Variants in GABRA3 observed in about 807,000 individuals in gnomAD.
GABRA3 encodes gamma-aminobutyric acid type A receptor subunit alpha3.
In GABRA3, 10 loss-of-function variants were observed where a neutral mutation model predicts 30.1. The ratio of observed to expected loss-of-function variants is 0.33; its 90% CI spans 0.20 to 0.56. The LOEUF is 0.56. Ranked by LOEUF, GABRA3 falls within the 20% of genes least tolerant of loss-of-function variation. The probability of loss-of-function intolerance (pLI) is 0.89; values close to 1 mark genes in which losing one functional copy is unlikely to be tolerated. For missense variants in GABRA3, 233 were observed against 392.0 expected (o/e 0.59, Z 3.42); for synonymous variants, 151 against 146.8 (o/e 1.03, Z -0.21).
At chrX:152,332,652 T>C (rs892374358) in intron 3 of GABRA3, among the ~76,000 whole-genome samples, 7 of 112,062 alleles carry the variant, frequency 6.2e-5, no homozygotes, top group African/African-American at 2.3e-4. Context: ...ATTAGACAGC[T>C]GGAACAACCG....
chrX:152,182,663 G>C (rs866308058), intron 9 of GABRA3, among the ~76,000 whole-genome samples: 17 of 75,097 alleles, frequency 2.3e-4, no homozygotes, highest in African/African-American at 8.9e-4. Flanking sequence ...CATATATAGT[G>C]TATATATACA....
At chrX:152,326,048 G>C (rs1000843282) in intron 3 of GABRA3, among the ~76,000 whole-genome samples, 28 of 111,352 alleles carry the variant, frequency 2.5e-4, no homozygotes, top group African/African-American at 8.2e-4. Flanking sequence ...CTAGGACTAC[G>C]TGACACATGC....
intron 3 of GABRA3, among the ~76,000 whole-genome samples, chrX:152,337,281 T>C (rs1316841153): frequency 2.7e-5 from 3 of 111,437 alleles, no homozygotes; most frequent in South Asian, 3.8e-4. Flanking sequence ...AGTCACCCTA[T>C]TGATTGTACT....
chrX:152,255,448 T>G (rs1423707546), intron 5 of GABRA3, among the ~76,000 whole-genome samples: 2 of 111,829 alleles, frequency 1.8e-5, no homozygotes, highest in African/African-American at 6.5e-5. Context: ...TATGTTTTTG[T>G]GAATCTGTGT....
chrX:152,286,663 G>A (rs193178095), intron 3 of GABRA3, among the ~76,000 whole-genome samples: 3 of 111,471 alleles, frequency 2.7e-5, no homozygotes, highest in African/African-American at 9.8e-5. Flanking sequence ...TCACTTTCCA[G>A]AACCATTCCT....
intron 4 of GABRA3, among the ~76,000 whole-genome samples, chrX:152,274,180 T>C (rs1938999257): frequency 9.0e-6 from 1 of 111,636 alleles, no homozygotes; most frequent in Non-Finnish European, 1.9e-5. Flanking sequence ...CAATAACAGG[T>C]ACTCAAAATA....
chrX:152,291,933 G>A (rs190691667), intron 3 of GABRA3, among the ~76,000 whole-genome samples: 206 of 111,789 alleles, frequency 1.8e-3, no homozygotes, highest in African/African-American at 6.2e-3. Context: ...TTTTATTGAG[G>A]ATTTTTGCAT....
At chrX:152,316,605 G>A (rs768327741) in intron 3 of GABRA3, among the ~76,000 whole-genome samples, 2 of 111,633 alleles carry the variant, frequency 1.8e-5, no homozygotes, top group Non-Finnish European at 3.8e-5. Context: ...AGAGCTGTGA[G>A]GCAAAAGCAC....
chrX:152,199,202 T>C (rs1937437074), intron 7 of GABRA3, among the ~76,000 whole-genome samples: 1 of 107,573 alleles, frequency 9.3e-6, no homozygotes, highest in Non-Finnish European at 1.9e-5. Context: ...CCATCTCTAC[T>C]AAAAATACAA....
In GABRA3 at chrX:152,231,589, T is replaced by A. The variant is rs190639480; in HGVS notation, c.552-6744A>T. On this transcript the variant is annotated intron_variant, in intron 5 of 9. Coordinates refer to ENST00000370314, the MANE Select transcript of GABRA3 (RefSeq NM_000808.4). Reference sequence around the variant, plus strand: ...GGAAATCACACTTTGGACAATATTTTGGCAGTTTCTTAAAAAGTTTAACAT... The same window carrying A: ...GGAAATCACACTTTGGACAATATTTAGGCAGTTTCTTAAAAAGTTTAACAT... Among the ~76,000 whole-genome samples the A allele has an allele frequency of 1.1e-4, 12 of 111,394 alleles. No homozygotes were observed. In the East Asian group the frequency reaches 3.1e-3, roughly 29 times the overall value.
intron 3 of GABRA3, among the ~76,000 whole-genome samples, chrX:152,330,961 G>A (rs896000076): frequency 2.1e-4 from 23 of 111,128 alleles, no homozygotes; most frequent in African/African-American, 7.5e-4. Context: ...CTAAACATTT[G>A]ACAAAACAAT....
In GABRA3 at chrX:152,183,115, A is replaced by G. The variant is rs187686824; in HGVS notation, c.1143+6615T>C. On this transcript the variant is annotated intron_variant, in intron 9 of 9. Transcript: ENST00000370314. ...AAGTATTCCCTTTTCAATTTTTTGG[A>G]AGAATTTGAGAATGATTGGTATTAG... 4.6e-5 allele frequency among the ~76,000 whole-genome samples: 5 copies of G among 108,884 alleles called. No individual in the cohort carries two copies. In the East Asian group the frequency reaches 1.4e-3, roughly 32 times the overall value. The allele number at this position is 108,884 out of a possible 115,157, so 94.6% of individuals were successfully genotyped here.
intron 5 of GABRA3, among the ~76,000 whole-genome samples, chrX:152,231,057 T>G (rs184298478): frequency 9.2e-6 from 1 of 109,261 alleles, no homozygotes; most frequent in Non-Finnish European, 1.9e-5. Context: ...ATACATCTGA[T>G]AAAGGACTTG....
At position 152,193,734 on chromosome X, in the gene GABRA3, C is replaced by G. The variant is rs779181727; in HGVS notation, c.932-3793G>C. ...TAACTTTAGGCCGGGCGTGGTGGCT[C>G]CCGCCTGGAATCCCAGCCCTTTGGG... On this transcript the variant is annotated intron_variant, in intron 8 of 9. Coordinates refer to ENST00000370314, the MANE Select transcript of GABRA3 (RefSeq NM_000808.4). Among the ~76,000 whole-genome samples the G allele has an allele frequency of 3.3e-4, 37 of 112,588 alleles. 1 individual carries two copies. In the South Asian group the frequency reaches 0.013, roughly 39 times the overall value.
intron 1 of GABRA3, among the ~76,000 whole-genome samples, chrX:152,387,062 C>G (rs1449645811): frequency 9.4e-6 from 1 of 106,138 alleles, no homozygotes; most frequent in Non-Finnish European, 1.9e-5. Flanking sequence ...AAATCAAACA[C>G]CGCATATTCT....
chrX:152,258,481 A>T (rs1938674894), intron 4 of GABRA3, among the ~76,000 whole-genome samples: 1 of 111,722 alleles, frequency 9.0e-6, no homozygotes, highest in African/African-American at 3.3e-5. Context: ...AATGTGAGAG[A>T]TTTGAGAAAA....
chrX:152,262,530 A>G (rs1358574118), intron 4 of GABRA3, among the ~76,000 whole-genome samples: 1 of 112,098 alleles, frequency 8.9e-6, no homozygotes, highest in Non-Finnish European at 1.9e-5. Flanking sequence ...TCTCTTTGCT[A>G]AAGCATAACA....
At chrX:152,361,666 G>C (rs1309380192) in intron 2 of GABRA3, among the ~76,000 whole-genome samples, 2 of 105,595 alleles carry the variant, frequency 1.9e-5, no homozygotes, top group African/African-American at 3.5e-5. Flanking sequence ...GTTTGTTTTA[G>C]AGATAGAGTC....
chrX:152,224,776 C>A lies in GABRA3; in HGVS notation c.621G>T (p.Leu207=). The change falls in exon 6 of 10, where the codon CTG becomes CTT. Residue 207 remains leucine, a synonymous_variant. Coordinates refer to ENST00000370314, the MANE Select transcript of GABRA3 (RefSeq NM_000808.4). ...DFPMDVHACP[L]KFGSYAYTTA... ...GAAAATACATACAGCTTCCAAACTT[C>A]AGTGGGCAGGCATGCACATCCATGG... is the stretch of plus-strand genomic sequence containing the variant. 2 of 1,188,557 alleles carry A rather than the reference C, an allele frequency of 1.7e-6. No homozygotes were observed. Among genetic ancestry groups the A allele is most frequent in the Non-Finnish European group, 2.3e-6 (2 of 878,322 alleles).
Sources: gnomAD v4.1 joint callset for allele counts (sites outside exome capture counted in the v4.1 genomes callset) on GRCh38, gnomAD v4.1.1 for gene constraint, MANE v1.5 for transcripts, NCBI Gene and HGNC (gene_info 2026-07-23, HGNC 2026-07-21) for gene names.